The following ARHGAP21 variants were observed in gnomAD, a reference collection of about 807,000 sequenced individuals.
ARHGAP21 encodes rho GTPase-activating protein 21.
Under a neutral mutation model 164.6 loss-of-function variants are expected in ARHGAP21, and 38 were observed. The ratio of observed to expected loss-of-function variants is 0.23; its 90% CI spans 0.18 to 0.30. ARHGAP21 has a LOEUF of 0.30. ARHGAP21 is among the 10% of genes least tolerant of loss of function. ARHGAP21 has a pLI of 1.00. For missense variants in ARHGAP21, 1,822 were observed against 2,370.7 expected, an observed-to-expected ratio of 0.77 and a Z score of 4.81; for synonymous variants, 766 against 857.9, an observed-to-expected ratio of 0.89 and a Z score of 1.87.
At chr10:24,604,033 A>G (rs2076922415) in intron 12 of ARHGAP21, among the ~76,000 whole-genome samples, 1 of 149,656 alleles carries the variant, frequency 6.7e-6, no homozygotes, top group South Asian at 2.2e-4. Flanking sequence ...GAGGGAGAAG[A>G]AAGAGAACAG....
chr10:24,670,199 C>A lies in ARHGAP21; in HGVS notation c.243+19G>T, dbSNP rs12572218. On this transcript the variant is annotated intron_variant, in intron 3 of 25. Coordinates refer to ENST00000396432, the MANE Select transcript of ARHGAP21 (RefSeq NM_020824.4). Reference sequence around the variant, plus strand: ...GCCTTGTGGTTTTTTTTTCAAGTTGCGGTAACTATTTCTCTTACCTTATAT... The same window carrying A: ...GCCTTGTGGTTTTTTTTTCAAGTTGAGGTAACTATTTCTCTTACCTTATAT... 1.0e-3 allele frequency: 1,536 copies of A among 1,502,268 alleles called. 27 individuals are homozygous for A. In the East Asian group the frequency reaches 0.028, roughly 28 times the overall value. The allele number at this position is 1,502,268 out of a possible 1,614,324, so 93.1% of individuals were successfully genotyped here. A position where few individuals can be genotyped will look rare whatever the true frequency, so the allele number is the denominator to read the frequency against.
chr10:24,615,083 G>A (rs548919832), intron 9 of ARHGAP21, among the ~76,000 whole-genome samples: 37 of 152,106 alleles, frequency 2.4e-4, no homozygotes, highest in Non-Finnish European at 4.0e-4. Flanking sequence ...CCAGCTACTC[G>A]GGAGGCTGAG....
chr10:24,602,058 C>A lies in ARHGAP21; in HGVS notation c.2767G>T (p.Asp923Tyr), dbSNP rs1211664780. The A allele has an allele frequency of 6.2e-7, 1 of 1,613,174 alleles. No homozygotes were observed. The highest frequency in any genetic ancestry group is 8.5e-7 in the Non-Finnish European group (1 of 1,179,868). The change falls in exon 13 of 26, where the codon GAT becomes TAT. Residue 923 changes from aspartate (D) to tyrosine (Y), a missense_variant. Physicochemically the swap from Asp to Tyr is radical, Grantham distance 160. Coordinates refer to ENST00000396432, the MANE Select transcript of ARHGAP21 (RefSeq NM_020824.4). ...TCACTGAAGACCTCTGAGGAAGAAT[C>A]TTTTCTGGACCCAGAGTCTTCTGAT... is the stretch of plus-strand genomic sequence containing the variant. ...KSSEDSGSRK[D>Y]SSSEVFSDAA...
intron 2 of ARHGAP21, among the ~76,000 whole-genome samples, chr10:24,690,843 T>A (rs201311321): frequency 6.7e-6 from 1 of 149,552 alleles, no homozygotes; most frequent in East Asian, 1.9e-4. Context: ...AAAAAATATA[T>A]ATATATATAT....
chr10:24,596,913 T>TAATA (rs779814122), intron 16 of ARHGAP21, 31 bp from the exon 17 acceptor site: 1 of 1,579,516 alleles, frequency 6.3e-7, no homozygotes, highest in Non-Finnish European at 8.5e-7. Context: ...TAAAACAACA[T>TAATA]AATAAAATGG....
intron 2 of ARHGAP21, among the ~76,000 whole-genome samples, chr10:24,697,890 A>C (rs1843317378): frequency 6.6e-6 from 1 of 152,036 alleles, no homozygotes; most frequent in Non-Finnish European, 1.5e-5. Flanking sequence ...AAAAATAAAA[A>C]AACCCGATGA....
At chr10:24,639,667 A>T (rs1836786122) in intron 4 of ARHGAP21, among the ~76,000 whole-genome samples, 1 of 152,134 alleles carries the variant, frequency 6.6e-6, no homozygotes, top group South Asian at 2.1e-4. Flanking sequence ...ATGAAAGAAA[A>T]GAAAGTAAAA....
chr10:24,676,612 A>C (rs1316421669), intron 2 of ARHGAP21, among the ~76,000 whole-genome samples: 1 of 152,214 alleles, frequency 6.6e-6, no homozygotes, highest in Non-Finnish European at 1.5e-5. Flanking sequence ...TTATGCTAAA[A>C]GCCCAGACTT....
intron 7 of ARHGAP21, among the ~76,000 whole-genome samples, chr10:24,625,700 A>C (rs1835075200): frequency 6.6e-6 from 1 of 152,242 alleles, no homozygotes; most frequent in Admixed American, 6.5e-5. Context: ...ACACTTGACA[A>C]ATGGCTACTT....
chr10:24,721,950 C>T lies in ARHGAP21; in HGVS notation c.-51G>A. On this transcript the variant is annotated 5_prime_UTR_variant, in exon 2 of 26. Coordinates refer to ENST00000396432, the MANE Select transcript of ARHGAP21 (RefSeq NM_020824.4). ...CAAATCCTTTGGAGTCCACATTGGACGTGGCGGGGAATGCCACCACACACC... is the reference window on the plus strand; with the variant it reads ...CAAATCCTTTGGAGTCCACATTGGATGTGGCGGGGAATGCCACCACACACC... 2 of 1,595,590 alleles carry T rather than the reference C, an allele frequency of 1.3e-6. No homozygotes were observed. Among genetic ancestry groups the T allele is most frequent in the Non-Finnish European group, 8.6e-7 (1 of 1,165,886 alleles).
At chr10:24,596,263 CAG>C (rs751085719) in intron 17 of ARHGAP21, 32 of 458,554 alleles carry the variant, frequency 7.0e-5, no homozygotes, top group Non-Finnish European at 1.1e-4. Flanking sequence ...GAGGGACCCC[CAG>C]AGAGATAACA....
At chr10:24,629,512 A>C (rs549767916) in intron 7 of ARHGAP21, 11 of 157,094 alleles carry the variant, frequency 7.0e-5, no homozygotes, top group African/African-American at 2.2e-4. Flanking sequence ...TACTACTAAC[A>C]ATACTGCTTG....
chr10:24,675,869 C>T (rs756989152), intron 2 of ARHGAP21, among the ~76,000 whole-genome samples: 2 of 152,146 alleles, frequency 1.3e-5, no homozygotes, highest in Non-Finnish European at 2.9e-5. Context: ...AAAAGTAGAT[C>T]GGGCTCAGTG....
intron 4 of ARHGAP21, among the ~76,000 whole-genome samples, chr10:24,642,514 C>CAA (rs57154901): frequency 8.6e-4 from 41 of 47,568 alleles, no homozygotes; most frequent in Middle Eastern, 0.013. Flanking sequence ...GACTCCGTCT[C>CAA]AAAAAAAAAA....
At chr10:24,710,739 T>G (rs7067743) in intron 2 of ARHGAP21, among the ~76,000 whole-genome samples, 118,326 of 152,014 alleles carry the variant, frequency 0.78, 46,112 homozygotes, top group Middle Eastern at 0.84. Flanking sequence ...ACTTCTATCT[T>G]GGGAACAAAA....
chr10:24,718,286 A>G (rs1845595940), intron 2 of ARHGAP21, among the ~76,000 whole-genome samples: 1 of 152,192 alleles, frequency 6.6e-6, no homozygotes, highest in Non-Finnish European at 1.5e-5. Flanking sequence ...AAATCTGATG[A>G]GTTTGCAATG....
intron 15 of ARHGAP21, 106 bp from the exon 16 acceptor site, chr10:24,597,689 C>A: frequency 6.7e-7 from 1 of 1,487,222 alleles, no homozygotes; most frequent in South Asian, 1.3e-5. Context: ...CTGGAAAATT[C>A]TTGGAATAAA....
chr10:24,706,008 A>G (rs1044748289), intron 2 of ARHGAP21, among the ~76,000 whole-genome samples: 2 of 152,242 alleles, frequency 1.3e-5, no homozygotes, highest in Admixed American at 1.3e-4. Flanking sequence ...ATTGCAAAAT[A>G]ACCATTTTCT....
intron 3 of ARHGAP21, among the ~76,000 whole-genome samples, chr10:24,669,615 C>A (rs1440548857): frequency 6.6e-6 from 1 of 152,140 alleles, no homozygotes; most frequent in South Asian, 2.1e-4. Flanking sequence ...AGGATTCTGG[C>A]GTGGATAAAG....
Sources: allele counts gnomAD v4.1 joint callset (sites outside exome capture counted in the v4.1 genomes callset), GRCh38; gene constraint gnomAD v4.1.1; transcripts MANE v1.5; gene names NCBI Gene and HGNC (gene_info 2026-07-23, HGNC 2026-07-21).